Variants in TBKBP1 observed in about 807,000 individuals in gnomAD.
The protein encoded by TBKBP1 is TANK-binding kinase 1-binding protein 1.
A neutral mutation model predicts 69.9 loss-of-function variants in TBKBP1; 47 were observed. That is an observed-to-expected ratio of 0.67 (90% CI 0.53 to 0.86). The LOEUF (loss-of-function observed/expected upper bound fraction) is 0.86. Among genes scored for constraint, TBKBP1 ranks in the 40% least tolerant of loss-of-function variants. TBKBP1 has a pLI of 0.00. For synonymous variants in TBKBP1, 418 were observed against 390.3 expected (o/e 1.07, Z -0.84); for missense variants, 831 against 858.6 (o/e 0.97, Z 0.40).
rs558513005 is a variant in TBKBP1, at chr17:47,704,316, G to A, written c.873-4078G>A. ...CGAGGAGAGAGAAGGGGCTCAAGGC[G>A]CCCGAAAGGAAGTGGTGGAGCACTG... On this transcript the variant is annotated intron_variant, in intron 7 of 9. Transcript: ENST00000578982. Among the ~76,000 whole-genome samples the A allele has an allele frequency of 2.0e-5, 3 of 152,336 alleles. No homozygotes were observed. In the East Asian group the frequency reaches 5.8e-4, roughly 29 times the overall value.
chr17:47,702,744 G>A (rs2031553193), intron 7 of TBKBP1, among the ~76,000 whole-genome samples: 1 of 152,102 alleles, frequency 6.6e-6, no homozygotes, highest in Non-Finnish European at 1.5e-5. Flanking sequence ...TGCCCCAGAG[G>A]AAGAGCCACT....
rs552261772 is a variant in TBKBP1 at position 47,705,657 on chromosome 17, G to A, written c.873-2737G>A. Among the ~76,000 whole-genome samples, 7 of 152,370 alleles carry A rather than the reference G, an allele frequency of 4.6e-5. No individual in the cohort carries two copies. In the South Asian group the frequency reaches 1.2e-3, roughly 27 times the overall value. On this transcript the variant is annotated intron_variant, in intron 7 of 9. Coordinates refer to ENST00000578982, the MANE Select transcript of TBKBP1 (RefSeq NM_001394755.1). ...CGGTGCACGTGTGCAACTCTTGGTT[G>A]TGTTGTGAAGTTGAGATTTTTTTTT...
Position 47,698,589 on chromosome 17 carries a change from C to G in TBKBP1, c.454-6C>G, listed in dbSNP as rs2031347447. Reference sequence around the variant, plus strand: ...TGCAGACCCTCCCCTCTGTCTCTCTCTCCAGAGGGCCCTGGTGGAGACGCA... The same window carrying G: ...TGCAGACCCTCCCCTCTGTCTCTCTGTCCAGAGGGCCCTGGTGGAGACGCA... On this transcript the variant is annotated splice_region_variant and splice_polypyrimidine_tract_variant and intron_variant, in intron 4 of 9. Transcript: ENST00000578982. 2 of 1,580,832 alleles carry G rather than the reference C, an allele frequency of 1.3e-6. No homozygotes were observed. The highest frequency in any genetic ancestry group is 1.7e-6 in the Non-Finnish European group (2 of 1,163,410).
Position 47,696,185 on chromosome 17 carries a change from G to A in TBKBP1, c.73G>A (p.Asp25Asn). Reference protein sequence around the residue: ...EALGPSEVWLDSPGDPSLGGD... With the variant: ...EALGPSEVWLNSPGDPSLGGD... ...CCTGGGGCCTAGTGAGGTGTGGCTG[G>A]ACAGTCCCGGAGACCCCTCGCTTGG... is the stretch of plus-strand genomic sequence containing the variant. Residue 25 changes from aspartate to asparagine, a missense_variant, in exon 2 of 10, where the codon GAC becomes AAC. Transcript: ENST00000578982. The A allele has an allele frequency of 6.2e-7, 1 of 1,613,722 alleles. No homozygotes were observed. The highest frequency in any genetic ancestry group is 1.6e-4 in the Middle Eastern group (1 of 6,062).
intron 9 of TBKBP1, 61 bp downstream of exon 9, chr17:47,709,513 G>T: frequency 7.0e-7 from 1 of 1,432,350 alleles, no homozygotes; most frequent in Non-Finnish European, 9.1e-7. Context: ...AGACCCCAGC[G>T]CCTCACCCTC....
In TBKBP1 at chr17:47,699,503, C is replaced by G. The variant is rs1196740032; in HGVS notation, c.810+8C>G. 3.1e-6 allele frequency: 5 copies of G among 1,590,310 alleles called. No homozygotes were observed. The African/African-American group carries it at 5.4e-5, about 17-fold the overall frequency. Reference sequence around the variant, plus strand: ...CAGGAGACCCGGGCCCAGGTAAATGCAGGGGCCTGGAACAGCTTCTGGAGG... The same window carrying G: ...CAGGAGACCCGGGCCCAGGTAAATGGAGGGGCCTGGAACAGCTTCTGGAGG... On this transcript the variant is annotated splice_region_variant and intron_variant, in intron 6 of 9. Coordinates refer to ENST00000578982, the MANE Select transcript of TBKBP1 (RefSeq NM_001394755.1).
chr17:47,706,618 A>T (rs2031704546), intron 7 of TBKBP1, among the ~76,000 whole-genome samples: 1 of 152,102 alleles, frequency 6.6e-6, no homozygotes, highest in Non-Finnish European at 1.5e-5. Flanking sequence ...TCTCCCAGAG[A>T]CCTGGCCCAT....
At chr17:47,701,161 A>G (rs536172453) in intron 7 of TBKBP1, among the ~76,000 whole-genome samples, 2 of 151,898 alleles carry the variant, frequency 1.3e-5, no homozygotes, top group Admixed American at 1.3e-4. Context: ...CCCCTCGCCT[A>G]CCTCCCTACC....
In TBKBP1 at chr17:47,709,281, C is replaced by T. The variant is rs1412956517; in HGVS notation, c.1548C>T (p.Phe516=). The change falls in exon 9 of 10, where the codon TTC becomes TTT. Residue 516 remains phenylalanine, a synonymous_variant. Transcript: ENST00000578982. ...CCTTCGAGGGCATCCGGCTGCGCTT[C>T]GAGAAGCAGCCGTCGGAGGAGGACG... The part of the protein sequence containing the change: ...RRAFEGIRLR[F]EKQPSEEDEW... 6.6e-7 allele frequency: 1 copy of T among 1,524,898 alleles called. No individual in the cohort carries two copies. Among genetic ancestry groups the T allele is most frequent in the Non-Finnish European group, 8.7e-7 (1 of 1,144,364 alleles). 94.5% of individuals were successfully genotyped at this position (1,524,898 alleles called of 1,614,324 possible).
Position 47,712,024 on chromosome 17 carries a change from G to A in TBKBP1, c.*1398G>A, listed in dbSNP as rs1439553801. 1.3e-5 allele frequency: 2 copies of A among 152,478 alleles called. No individual in the cohort carries two copies. The highest frequency in any genetic ancestry group is 4.8e-5 in the African/African-American group (2 of 41,424). The allele number at this position is 152,478 out of a possible 1,614,324, so 9.4% of individuals were successfully genotyped here. The stretch of plus-strand genomic sequence containing the variant: ...GGCCCCTGTGCTCTCTGAACAAGTT[G>A]AAAGTCCAAATAAAACTTACCTGTT... On this transcript the variant is annotated 3_prime_UTR_variant, in exon 10 of 10. Transcript: ENST00000578982.
At chr17:47,699,824 CTT>C (rs373996808) in intron 7 of TBKBP1, 127 bp downstream of exon 7, 17,137 of 745,640 alleles carry the variant, frequency 0.023, no homozygotes, top group South Asian at 0.028. Flanking sequence ...AGGTGGGGTT[CTT>C]TTTTTTTTTT....
chr17:47,708,817 C>A lies in TBKBP1; in HGVS notation c.1084C>A (p.Pro362Thr). The change falls in exon 9 of 10, where the codon CCG becomes ACG. Residue 362 changes from proline to threonine, a missense_variant. Physicochemically the swap from Pro to Thr is conservative, Grantham distance 38. Transcript: ENST00000578982. This position sits in a 1 kb window ranked among gnomAD's most constrained non-coding sequence, Gnocchi z 4.4. ...TGCCCGAGCGGCTCCCCCGTGCCCC[C>A]CGTGCCAGTCCCCCGTCCCCCAGCG... ...PPARAAPPCP[P>T]CQSPVPQRRS... 1 of 1,307,844 alleles carries A rather than the reference C, an allele frequency of 7.6e-7. No homozygotes were observed. The highest frequency in any genetic ancestry group is 1.5e-5 in the South Asian group (1 of 68,358). The allele number at this position is 1,307,844 out of a possible 1,614,324, so 81.0% of individuals were successfully genotyped here.
chr17:47,697,481 C>T (rs983867189), intron 4 of TBKBP1, among the ~76,000 whole-genome samples: 2 of 152,072 alleles, frequency 1.3e-5, no homozygotes, highest in Non-Finnish European at 2.9e-5. Flanking sequence ...CTGGCTGTCA[C>T]GCTGGGGTGA....
At chr17:47,706,828 G>GACACACACACACACACAC (rs55849029) in intron 7 of TBKBP1, among the ~76,000 whole-genome samples, 3 of 134,220 alleles carry the variant, frequency 2.2e-5, no homozygotes, top group East Asian at 2.2e-4. Flanking sequence ...GTTAGACTTA[G>GACACACACACACACACAC]ACACACACAC....
chr17:47,703,891 G>T (rs1231753169), intron 7 of TBKBP1, among the ~76,000 whole-genome samples: 1 of 152,212 alleles, frequency 6.6e-6, no homozygotes, highest in African/African-American at 2.4e-5. Flanking sequence ...TGAGAGTTCA[G>T]TAAGAAATTC....
Position 47,708,399 on chromosome 17 carries a change from A to G in TBKBP1, c.878A>G (p.Asn293Ser). 1 of 1,613,738 alleles carries G rather than the reference A, an allele frequency of 6.2e-7. No homozygotes were observed. Residue 293 changes from asparagine to serine, a missense_variant, in exon 8 of 10, where the codon AAT becomes AGT. Coordinates refer to ENST00000578982, the MANE Select transcript of TBKBP1 (RefSeq NM_001394755.1). The surrounding 1 kb of genome is among the most constrained non-coding windows in gnomAD (Gnocchi z 4.4). Reference protein sequence around the residue: ...WVKRVGDDQVNLALAYTELTE... With the variant: ...WVKRVGDDQVSLALAYTELTE... The stretch of plus-strand genomic sequence containing the variant: ...CCACTGCCCTCTGACTTCAGGGTGA[A>G]TTTGGCGCTGGCCTACACCGAGCTG...
At position 47,708,976 on chromosome 17, in the gene TBKBP1, T is replaced by G. The variant is rs2031807017; in HGVS notation, c.1243T>G (p.Ser415Ala). The change falls in exon 9 of 10, where the codon TCC becomes GCC. Residue 415 changes from serine (S) to alanine (A), a missense_variant. Physicochemically the swap from Ser to Ala is moderately conservative, Grantham distance 99. Transcript: ENST00000578982. The surrounding 1 kb of genome is among the most constrained non-coding windows in gnomAD (Gnocchi z 4.4). ...SCQSPSPQRR[S>A]PVPPSCPAPQ... is the part of the protein sequence containing the mutation. ...CCAGTCCCCCAGCCCGCAGCGCCGTTCCCCGGTGCCCCCCAGCTGCCCGGC... is the reference window on the plus strand; with the variant it reads ...CCAGTCCCCCAGCCCGCAGCGCCGTGCCCCGGTGCCCCCCAGCTGCCCGGC... 1 of 1,130,554 alleles carries G rather than the reference T, an allele frequency of 8.8e-7. No homozygotes were observed. The highest frequency in any genetic ancestry group is 1.1e-6 in the Non-Finnish European group (1 of 924,170). 70.0% of individuals were successfully genotyped at this position (1,130,554 alleles called of 1,614,324 possible).
Position 47,696,247 on chromosome 17 carries a change from C to G in TBKBP1, c.135C>G (p.Ile45Met), listed in dbSNP as rs773729323. ...GCTCCGCCTCCCACTTTGCCCTCAT[C>G]ACTGCTTACGGAGACATCAAGGAAC... Reference protein sequence around the residue: ...DMCSASHFALITAYGDIKERL... With the variant: ...DMCSASHFALMTAYGDIKERL... The change falls in exon 2 of 10, where the codon ATC (isoleucine) becomes ATG (methionine). Residue 45 changes from isoleucine (I) to methionine (M), a missense_variant. Transcript: ENST00000578982. 1 of 1,613,614 alleles carries G rather than the reference C, an allele frequency of 6.2e-7. No individual in the cohort carries two copies. The highest frequency in any genetic ancestry group is 1.3e-5 in the African/African-American group (1 of 74,904).
intron 7 of TBKBP1, among the ~76,000 whole-genome samples, chr17:47,706,142 C>A (rs551931280): frequency 6.6e-6 from 1 of 152,074 alleles, no homozygotes; most frequent in East Asian, 1.9e-4. Flanking sequence ...CTGTATCTGT[C>A]GCCTGAGATA....
Sources: allele counts gnomAD v4.1 joint callset (sites outside exome capture counted in the v4.1 genomes callset), GRCh38; gene constraint gnomAD v4.1.1; non-coding constraint Gnocchi (gnomAD v3.1); transcripts MANE v1.5; gene names NCBI Gene and HGNC (gene_info 2026-07-23, HGNC 2026-07-21).